The following SPATS2L variants were observed in gnomAD, a reference collection of about 807,000 sequenced individuals.
The protein encoded by SPATS2L is SPATS2-like protein.
SPATS2L carries 30 observed loss-of-function variants against 59.6 expected under a neutral mutation model. The ratio of observed to expected loss-of-function variants is 0.50; its 90% CI spans 0.38 to 0.68. The LOEUF is 0.68. Ranked by LOEUF, SPATS2L falls within the 30% of genes least tolerant of loss-of-function variation. SPATS2L has a pLI of 0.00. For missense variants in SPATS2L, 615 were observed against 700.0 expected (o/e 0.88, Z 1.37); for synonymous variants, 252 against 263.5 (o/e 0.96, Z 0.42).
intron 1 of SPATS2L, among the ~76,000 whole-genome samples, chr2:200,316,843 T>C (rs1417550262): frequency 6.6e-6 from 1 of 152,196 alleles, no homozygotes; most frequent in Non-Finnish European, 1.5e-5. Context: ...ACTTGATAGA[T>C]ATTTAGAATT....
At chr2:200,434,252 G>A (rs897886024) in intron 6 of SPATS2L, among the ~76,000 whole-genome samples, 4 of 151,898 alleles carry the variant, frequency 2.6e-5, no homozygotes, top group African/African-American at 4.8e-5. Flanking sequence ...CAGCAAAGAA[G>A]GAATACAAGA....
chr2:200,329,666 G>A (rs2105791621), intron 2 of SPATS2L, among the ~76,000 whole-genome samples, 186 bp downstream of exon 2: 1 of 152,226 alleles, frequency 6.6e-6, no homozygotes, highest in East Asian at 1.9e-4. Context: ...ATAGGGCAGT[G>A]GGGTCTGGTG....
chr2:200,360,624 C>T (rs2105867908), intron 2 of SPATS2L, among the ~76,000 whole-genome samples: 1 of 152,306 alleles, frequency 6.6e-6, no homozygotes. Flanking sequence ...TAAGCCGCTC[C>T]TCCTTGGGGG....
chr2:200,372,254 A>G, intron 2 of SPATS2L: 1 of 935,292 alleles, frequency 1.1e-6, no homozygotes, highest in Non-Finnish European at 1.3e-6. Context: ...CCCGAACTGT[A>G]AGTGAATTCC....
intron 1 of SPATS2L, among the ~76,000 whole-genome samples, chr2:200,307,699 C>G (rs1202687112): frequency 2.0e-5 from 3 of 152,208 alleles, no homozygotes; most frequent in African/African-American, 7.2e-5. Flanking sequence ...GCTGAAGGGC[C>G]GAGTCTTCAC....
chr2:200,418,489 G>A (rs184292176), intron 5 of SPATS2L, among the ~76,000 whole-genome samples: 131 of 152,126 alleles, frequency 8.6e-4, no homozygotes, highest in African/African-American at 3.0e-3. Flanking sequence ...TGGGAGGATC[G>A]CTTATGCCCA....
intron 3 of SPATS2L, chr2:200,393,227 A>G (rs1486791656): frequency 4.4e-6 from 2 of 456,822 alleles, no homozygotes; most frequent in South Asian, 1.5e-5. Flanking sequence ...AATCAGACTC[A>G]TAGCAATTGA....
intron 2 of SPATS2L, among the ~76,000 whole-genome samples, chr2:200,379,765 T>C (rs545315069): frequency 6.6e-6 from 1 of 152,032 alleles, no homozygotes; most frequent in Non-Finnish European, 1.5e-5. Flanking sequence ...AGGGTGACAT[T>C]TATTCTGCTG....
intron 1 of SPATS2L, 133 bp from the exon 2 acceptor site, chr2:200,329,298 G>A (rs1470008687): frequency 2.6e-5 from 19 of 734,622 alleles, no homozygotes; most frequent in Non-Finnish European, 3.8e-5. Context: ...TAGCTGTTAA[G>A]TCATGGGTGA....
chr2:200,413,126 C>G (rs2082941196), intron 4 of SPATS2L, among the ~76,000 whole-genome samples: 1 of 152,096 alleles, frequency 6.6e-6, no homozygotes, highest in African/African-American at 2.4e-5. Flanking sequence ...GTATTTTGGT[C>G]CTTATCTGGA....
Position 200,367,229 on chromosome 2 carries a change from AT to A in SPATS2L, c.-22-21992del, listed in dbSNP as rs1357727220. On this transcript the variant is annotated intron_variant, in intron 2 of 12. Coordinates refer to ENST00000409140, the MANE Select transcript of SPATS2L (RefSeq NM_001100423.2). The stretch of plus-strand genomic sequence containing the variant: ...TGTGTTTAGCTTAGCTTATAGGCTA[AT>A]TAACATTAAGTTGGGTTTTTTTCCC... Among the ~76,000 whole-genome samples the A allele has an allele frequency of 3.3e-5, 5 of 152,234 alleles. No homozygotes were observed. The East Asian group carries it at 7.7e-4, about 23-fold the overall frequency.
intron 8 of SPATS2L, among the ~76,000 whole-genome samples, chr2:200,456,721 C>T (rs1040796482): frequency 6.6e-6 from 1 of 152,190 alleles, no homozygotes. Flanking sequence ...TCTGCTTTGC[C>T]TGCAGTCTGC....
intron 1 of SPATS2L, among the ~76,000 whole-genome samples, chr2:200,315,302 G>T (rs2079332180): frequency 6.6e-6 from 1 of 152,192 alleles, no homozygotes. Flanking sequence ...GCATAGTGTG[G>T]AAAGCACTAT....
intron 2 of SPATS2L, among the ~76,000 whole-genome samples, chr2:200,362,374 A>T (rs2081135726): frequency 6.6e-6 from 1 of 152,228 alleles, no homozygotes; most frequent in South Asian, 2.1e-4. Context: ...TTTCTCCCTC[A>T]TGTCACAGTC....
chr2:200,357,846 C>T (rs771201945), intron 2 of SPATS2L, among the ~76,000 whole-genome samples: 11 of 152,262 alleles, frequency 7.2e-5, no homozygotes, highest in Middle Eastern at 3.4e-3. Flanking sequence ...ATACATGTCT[C>T]AAAGTGCATT....
intron 6 of SPATS2L, among the ~76,000 whole-genome samples, chr2:200,434,739 A>G (rs7561109): frequency 0.035 from 5,256 of 152,216 alleles, 194 homozygotes; most frequent in East Asian, 0.16. Context: ...TCGAGGGTCA[A>G]AAGACTCAGT....
At chr2:200,338,781 A>ACTTCC (rs1203560485) in intron 2 of SPATS2L, among the ~76,000 whole-genome samples, 6 of 152,108 alleles carry the variant, frequency 3.9e-5, no homozygotes, top group Admixed American at 3.3e-4. Flanking sequence ...TCTCCACTTC[A>ACTTCC]CTTCCCTTCT....
At chr2:200,360,642 G>C (rs2081065930) in intron 2 of SPATS2L, among the ~76,000 whole-genome samples, 1 of 152,170 alleles carries the variant, frequency 6.6e-6, no homozygotes, top group African/African-American at 2.4e-5. Flanking sequence ...GGGAGGGGAA[G>C]CAGGTGGCAG....
intron 9 of SPATS2L, among the ~76,000 whole-genome samples, chr2:200,467,035 A>G (rs2086651707): frequency 6.6e-6 from 1 of 152,202 alleles, no homozygotes; most frequent in Non-Finnish European, 1.5e-5. Context: ...ACCAGTGGAG[A>G]AAATGTAGAG....
Sources: allele counts gnomAD v4.1 joint callset (sites outside exome capture counted in the v4.1 genomes callset), GRCh38; gene constraint gnomAD v4.1.1; transcripts MANE v1.5; gene names NCBI Gene and HGNC (gene_info 2026-07-23, HGNC 2026-07-21).